Variants in GPC6 observed in about 807,000 individuals in gnomAD.
The protein encoded by GPC6 is glypican-6.
Under a neutral mutation model 55.2 loss-of-function variants are expected in GPC6, and 14 were observed. The ratio of observed to expected loss-of-function variants is 0.25; its 90% CI spans 0.17 to 0.40. GPC6 has a LOEUF of 0.40. Ranked by LOEUF, GPC6 falls within the 10% of genes least tolerant of loss-of-function variation. The pLI is 1.00. For missense variants in GPC6, 641 were observed against 708.5 expected (o/e 0.90, Z 1.08); for synonymous variants, 278 against 259.6 (o/e 1.07, Z -0.68).
chr13:93,436,377 T>A (rs766622195), intron 1 of GPC6, among the ~76,000 whole-genome samples: 7 of 152,154 alleles, frequency 4.6e-5, no homozygotes, highest in African/African-American at 7.2e-5. Context: ...CCAGACCACA[T>A]TAAAAATATT....
intron 6 of GPC6, among the ~76,000 whole-genome samples, chr13:94,335,269 C>T (rs1217310292): frequency 6.6e-6 from 1 of 152,130 alleles, no homozygotes; most frequent in Admixed American, 6.5e-5. Flanking sequence ...AGGAAAAAGC[C>T]TTTCAAATTA....
At chr13:93,531,749 C>T (rs1318081761) in intron 1 of GPC6, among the ~76,000 whole-genome samples, 2 of 152,164 alleles carry the variant, frequency 1.3e-5, no homozygotes, top group Non-Finnish European at 2.9e-5. Context: ...ATCCTAAAAT[C>T]TTAGTGACCA....
At chr13:93,341,119 T>C (rs1311841264) in intron 1 of GPC6, among the ~76,000 whole-genome samples, 1 of 152,224 alleles carries the variant, frequency 6.6e-6, no homozygotes, top group Non-Finnish European at 1.5e-5. Context: ...TATTCCATGG[T>C]GTATATATAG....
At chr13:93,466,485 G>T (rs949802723) in intron 1 of GPC6, among the ~76,000 whole-genome samples, 1 of 152,152 alleles carries the variant, frequency 6.6e-6, no homozygotes, top group Non-Finnish European at 1.5e-5. Context: ...TGTGGTAATG[G>T]TCAGTAAATA....
intron 1 of GPC6, among the ~76,000 whole-genome samples, chr13:93,381,784 A>G (rs948144339): frequency 5.9e-5 from 9 of 152,092 alleles, no homozygotes; most frequent in African/African-American, 1.7e-4. Context: ...TTCTATTATC[A>G]TGACTTTCCA....
At chr13:93,680,368 A>G (rs1881803390) in intron 2 of GPC6, among the ~76,000 whole-genome samples, 1 of 152,214 alleles carries the variant, frequency 6.6e-6, no homozygotes, top group Non-Finnish European at 1.5e-5. Flanking sequence ...AAACTGCACA[A>G]TAGTGAGACA....
intron 6 of GPC6, among the ~76,000 whole-genome samples, chr13:94,372,619 C>T (rs1266829292): frequency 3.3e-5 from 5 of 151,878 alleles, no homozygotes; most frequent in African/African-American, 7.2e-5. Flanking sequence ...AACTGCAAGG[C>T]GGCAGCGAGG....
chr13:94,034,997 A>C (rs1265410386), intron 4 of GPC6, among the ~76,000 whole-genome samples: 2 of 151,622 alleles, frequency 1.3e-5, no homozygotes, highest in Non-Finnish European at 2.9e-5. Context: ...AATTTCTATG[A>C]GAAACAACAA....
chr13:94,379,876 A>G (rs1442845735), intron 6 of GPC6, among the ~76,000 whole-genome samples: 1 of 152,248 alleles, frequency 6.6e-6, no homozygotes, highest in East Asian at 1.9e-4. Flanking sequence ...AATCAGAAAA[A>G]TAAGCCAATT....
chr13:93,254,389 G>T (rs986680860), intron 1 of GPC6, among the ~76,000 whole-genome samples: 5 of 152,254 alleles, frequency 3.3e-5, no homozygotes, highest in East Asian at 1.9e-4. Flanking sequence ...AAGTGTGTAT[G>T]CTTGTGTACA....
intron 1 of GPC6, among the ~76,000 whole-genome samples, chr13:93,230,865 G>T (rs571303368): frequency 3.3e-5 from 5 of 152,002 alleles, no homozygotes; most frequent in Admixed American, 2.0e-4. Context: ...GTTGTTTCAG[G>T]CTTACTCTGC....
intron 4 of GPC6, among the ~76,000 whole-genome samples, chr13:94,114,852 T>G (rs759830119): frequency 3.4e-4 from 52 of 152,156 alleles, no homozygotes; most frequent in Non-Finnish European, 4.9e-4. Context: ...TTCATAATAA[T>G]TCTAAATGGT....
intron 4 of GPC6, among the ~76,000 whole-genome samples, chr13:94,112,810 A>T (rs535679931): frequency 6.6e-6 from 1 of 152,166 alleles, no homozygotes; most frequent in East Asian, 1.9e-4. Flanking sequence ...GTAGATACAG[A>T]TTGCCGAAAG....
chr13:93,980,734 G>T (rs1005105745), intron 3 of GPC6, among the ~76,000 whole-genome samples: 4 of 152,144 alleles, frequency 2.6e-5, no homozygotes, highest in Admixed American at 2.0e-4. Context: ...TGTCTTTTGT[G>T]TGTTTGGATA....
chr13:93,693,519 A>C (rs1882339317), intron 2 of GPC6, among the ~76,000 whole-genome samples: 1 of 141,314 alleles, frequency 7.1e-6, no homozygotes, highest in Admixed American at 7.2e-5. Context: ...ACAGGCTCTT[A>C]CTCTGTTGCC....
intron 2 of GPC6, among the ~76,000 whole-genome samples, chr13:93,625,203 G>A (rs139307733): frequency 1.3e-5 from 2 of 152,074 alleles, no homozygotes; most frequent in Admixed American, 6.6e-5. Flanking sequence ...TAATAAAAAG[G>A]ATGTATAGTA....
chr13:94,134,603 T>G (rs2138871324), intron 4 of GPC6, among the ~76,000 whole-genome samples: 1 of 152,346 alleles, frequency 6.6e-6, no homozygotes, highest in South Asian at 2.1e-4. Context: ...AGCACATAAC[T>G]TATTGTTGCA....
intron 4 of GPC6, among the ~76,000 whole-genome samples, chr13:94,206,659 G>A (rs1889910259): frequency 6.6e-6 from 1 of 152,020 alleles, no homozygotes; most frequent in African/African-American, 2.4e-5. Flanking sequence ...TTTGAGACCA[G>A]CCTGGGCAAC....
intron 3 of GPC6, among the ~76,000 whole-genome samples, chr13:94,004,082 G>A (rs1881918526): frequency 6.6e-6 from 1 of 152,096 alleles, no homozygotes; most frequent in South Asian, 2.1e-4. Flanking sequence ...TGGCAAAATT[G>A]CATTAATCAT....
Sources: allele counts gnomAD v4.1 joint callset (sites outside exome capture counted in the v4.1 genomes callset), GRCh38; gene constraint gnomAD v4.1.1; transcripts MANE v1.5; gene names NCBI Gene and HGNC (gene_info 2026-07-23, HGNC 2026-07-21).